Variants in IDNK observed in about 807,000 individuals in gnomAD.
IDNK encodes gluconokinase.
In IDNK, 9 loss-of-function variants were observed where a neutral mutation model predicts 13.0. The ratio of observed to expected loss-of-function variants is 0.69; its 90% confidence interval spans 0.42 to 1.21. The LOEUF (loss-of-function observed/expected upper bound fraction) is 1.21, where lower values mean the gene tolerates loss of function less well. Ranked by LOEUF, IDNK falls within the 50% of genes most tolerant of loss-of-function variation. The pLI, the probability that IDNK is intolerant of heterozygous loss-of-function variation, is 0.00. For synonymous variants in IDNK, 92 were observed against 94.9 expected (o/e 0.97, Z 0.18); for missense variants, 210 against 237.8 (o/e 0.88, Z 0.77).
rs143032014 is a variant in IDNK, at chr9:83,625,800, TTG to T, written c.51-2379_51-2378del. On this transcript the variant is annotated intron_variant, in intron 1 of 4. Coordinates refer to ENST00000376419, the MANE Select transcript of IDNK (RefSeq NM_001001551.4). ...AACACAGTGACCTCAAGGACTAAGT[TTG>T]TTACTGTCTTCCCCCACCTGAATGT... Among the ~76,000 whole-genome samples, 730 of 152,370 alleles carry T rather than the reference TTG, an allele frequency of 4.8e-3. 9 individuals carry two copies. The highest frequency in any genetic ancestry group is 0.016 in the African/African-American group (673 of 41,592).
chr9:83,627,905 T>G lies in IDNK; in HGVS notation c.51-276T>G, dbSNP rs1008529485. On this transcript the variant is annotated intron_variant, in intron 1 of 4. Transcript: ENST00000376419. ...TACACAACAGGGACCAAAAACTGAT[T>G]ACTGAAGAAAAAACTTGGGTTTAAT... The G allele has an allele frequency of 8.7e-6, 5 of 577,284 alleles. No homozygotes were observed. The African/African-American group carries it at 1.0e-4, about 12-fold the overall frequency. The allele number at this position is 577,284 out of a possible 1,614,324, so 35.8% of individuals were successfully genotyped here. A position where few individuals can be genotyped will look rare whatever the true frequency, so the allele number is the denominator to read the frequency against.
chr9:83,630,551 G>A (rs1830981671), intron 3 of IDNK, among the ~76,000 whole-genome samples: 1 of 152,120 alleles, frequency 6.6e-6, no homozygotes, highest in Non-Finnish European at 1.5e-5. Context: ...CAAAAAATAT[G>A]CACAGAAAAG....
intron 3 of IDNK, among the ~76,000 whole-genome samples, chr9:83,638,824 T>G (rs1831227423): frequency 6.6e-6 from 1 of 152,166 alleles, no homozygotes; most frequent in Non-Finnish European, 1.5e-5. Flanking sequence ...ATAAAGACAT[T>G]TTCTAACATA....
intron 4 of IDNK, 98 bp from the exon 5 acceptor site, chr9:83,643,331 G>A (rs1831365554): frequency 2.2e-6 from 2 of 908,304 alleles, no homozygotes; most frequent in South Asian, 1.8e-5. Flanking sequence ...TCCACTGGCA[G>A]GAAGTAGGAC....
chr9:83,635,804 T>C (rs917139474), intron 3 of IDNK, among the ~76,000 whole-genome samples: 11 of 152,226 alleles, frequency 7.2e-5, no homozygotes, highest in Non-Finnish European at 1.3e-4. Flanking sequence ...GTTGACATAA[T>C]TTCTATGATT....
At chr9:83,624,647 A>C (rs1273160895) in intron 1 of IDNK, among the ~76,000 whole-genome samples, 1 of 151,602 alleles carries the variant, frequency 6.6e-6, no homozygotes, top group Non-Finnish European at 1.5e-5. Context: ...TAGCTGAGGA[A>C]AGGGCAGGAC....
Position 83,643,612 on chromosome 9 carries a change from TG to T in IDNK, c.398del (p.Gly133AspfsTer35). 6.2e-7 allele frequency: 1 copy of T among 1,614,070 alleles called. No homozygotes were observed. Among genetic ancestry groups the T allele is most frequent in the Non-Finnish European group, 8.5e-7 (1 of 1,180,010 alleles). ...TGAGCGGGTCGTTTGAGGTCATCTC[TG>T]GACGCTTACTCAAAAGAGAGGGACA... ...HLSGSFEVIS[G>X]RLLKREGHFM... is the part of the protein sequence containing the mutation. On this transcript the variant is annotated frameshift_variant, in exon 5 of 5. Coordinates refer to ENST00000376419, the MANE Select transcript of IDNK (RefSeq NM_001001551.4). LOFTEE classifies it high-confidence loss of function.
At chr9:83,636,225 CA>C (rs1162931688) in intron 3 of IDNK, among the ~76,000 whole-genome samples, 1 of 152,106 alleles carries the variant, frequency 6.6e-6, no homozygotes, top group Admixed American at 6.5e-5. Flanking sequence ...GGTATTGGAC[CA>C]AAAGCACCTA....
intron 3 of IDNK, among the ~76,000 whole-genome samples, chr9:83,634,715 C>T (rs886828794): frequency 2.1e-4 from 32 of 152,260 alleles, no homozygotes; most frequent in African/African-American, 6.5e-4. Flanking sequence ...GATGGAATGG[C>T]GGAATGTACA....
chr9:83,639,084 A>G (rs1191340676), intron 3 of IDNK, among the ~76,000 whole-genome samples: 2 of 152,216 alleles, frequency 1.3e-5, no homozygotes, highest in Non-Finnish European at 2.9e-5. Flanking sequence ...AATCAGTATC[A>G]TACCACTCAC....
intron 3 of IDNK, among the ~76,000 whole-genome samples, chr9:83,632,645 C>A (rs1831053896): frequency 6.6e-6 from 1 of 151,532 alleles, no homozygotes; most frequent in African/African-American, 2.4e-5. Flanking sequence ...ACATTCAAAG[C>A]CGCAGTAGGG....
At chr9:83,626,067 ATCTT>A (rs1293111334) in intron 1 of IDNK, among the ~76,000 whole-genome samples, 1 of 152,156 alleles carries the variant, frequency 6.6e-6, no homozygotes, top group African/African-American at 2.4e-5. Flanking sequence ...CCTTTTGAAT[ATCTT>A]TCTCATTGAT....
chr9:83,637,065 A>AATC (rs1831184010), intron 3 of IDNK, among the ~76,000 whole-genome samples: 1 of 152,234 alleles, frequency 6.6e-6, no homozygotes, highest in Non-Finnish European at 1.5e-5. Context: ...ACATGACAGT[A>AATC]ACTGTTGTGA....
In IDNK at chr9:83,641,574, G is replaced by A; in HGVS notation, c.195G>A (p.Leu65=). 1 of 1,613,952 alleles carries A rather than the reference G, an allele frequency of 6.2e-7. No individual in the cohort carries two copies. Among genetic ancestry groups the A allele is most frequent in the Non-Finnish European group, 8.5e-7 (1 of 1,180,022 alleles). ...DQDRIPWLCN[L]HDILLRDVAS... is the part of the protein sequence containing the mutation. ...ACCGGATTCCATGGCTCTGTAACTT[G>A]CATGACATTTTACTAAGGTAAGAGA... Residue 65 remains leucine (L), a synonymous_variant, in exon 4 of 5, where the codon TTG becomes TTA. Transcript: ENST00000376419.
chr9:83,626,478 G>T (rs1394568660), intron 1 of IDNK: 3 of 363,618 alleles, frequency 8.3e-6, no homozygotes, highest in Non-Finnish European at 1.7e-5. Context: ...GTACAGTGGC[G>T]TGATCTCGGC....
At chr9:83,629,869 G>T (rs926932352) in intron 3 of IDNK, among the ~76,000 whole-genome samples, 1 of 152,220 alleles carries the variant, frequency 6.6e-6, no homozygotes, top group African/African-American at 2.4e-5. Context: ...GCATGTTTTC[G>T]AGTGAATGAA....
chr9:83,641,671 C>T (rs917218008), intron 4 of IDNK, 80 bp downstream of exon 4: 21 of 1,395,092 alleles, frequency 1.5e-5, no homozygotes, highest in African/African-American at 1.0e-4. Flanking sequence ...AAAAAAAATA[C>T]ACTCCTGAAA....
chr9:83,639,878 T>G (rs750117257), intron 3 of IDNK, among the ~76,000 whole-genome samples: 18 of 152,220 alleles, frequency 1.2e-4, no homozygotes, highest in Admixed American at 5.9e-4. Context: ...GTGACTATCT[T>G]GTACAGCAAG....
At chr9:83,626,769 A>G in intron 1 of IDNK, 1 of 1,179,876 alleles carries the variant, frequency 8.5e-7, no homozygotes, top group Non-Finnish European at 1.1e-6. Flanking sequence ...TTCACCAGCC[A>G]TGGAGTTTGG....
Sources: gnomAD v4.1 joint callset for allele counts (sites outside exome capture counted in the v4.1 genomes callset) on GRCh38, gnomAD v4.1.1 for gene constraint, MANE v1.5 for transcripts, NCBI Gene and HGNC (gene_info 2026-07-23, HGNC 2026-07-21) for gene names.